Variants in CCDC102B observed in about 807,000 individuals in gnomAD.
CCDC102B encodes coiled-coil domain containing 102B, also known as coiled-coil domain-containing protein 102B.
Under a neutral mutation model 57.4 loss-of-function variants are expected in CCDC102B, and 75 were observed. That is an observed-to-expected ratio of 1.31 (90% CI 1.08 to 1.58). The LOEUF (loss-of-function observed/expected upper bound fraction) is 1.58. Ranked by LOEUF, CCDC102B falls within the 40% of genes most tolerant of loss-of-function variation. CCDC102B has a pLI of 0.00. For missense variants in CCDC102B, 636 were observed against 582.6 expected (o/e 1.09, Z -0.94); for synonymous variants, 206 against 201.9 (o/e 1.02, Z -0.17).
intron 7 of CCDC102B, among the ~76,000 whole-genome samples, chr18:69,052,776 C>A (rs1370941028): frequency 6.6e-6 from 1 of 151,720 alleles, no homozygotes; most frequent in African/African-American, 2.4e-5. Flanking sequence ...ACCAATCAAC[C>A]ACTAATCAAA....
At chr18:68,946,786 T>C (rs1337722057) in intron 6 of CCDC102B, among the ~76,000 whole-genome samples, 1 of 152,034 alleles carries the variant, frequency 6.6e-6, no homozygotes, top group East Asian at 1.9e-4. Flanking sequence ...TTCAAAATAA[T>C]TTAACAAGTA....
At chr18:68,807,994 C>T (rs1008243694) in intron 1 of CCDC102B, among the ~76,000 whole-genome samples, 5 of 152,000 alleles carry the variant, frequency 3.3e-5, no homozygotes, top group Non-Finnish European at 4.4e-5. Flanking sequence ...AACTAATCTT[C>T]GAATCAAAAG....
chr18:68,897,437 G>A lies in CCDC102B; in HGVS notation c.1263+9G>A. The A allele has an allele frequency of 6.2e-7, 1 of 1,609,052 alleles. No individual in the cohort carries two copies. Among genetic ancestry groups the A allele is most frequent in the South Asian group, 1.1e-5 (1 of 90,670 alleles). On this transcript the variant is annotated intron_variant, in intron 6 of 7. Coordinates refer to ENST00000360242, the MANE Select transcript of CCDC102B (RefSeq NM_024781.3). ...TGCAAGAAAAAAACCAGGTATGGGT[G>A]CTCCTTGGAGCAAATTCTCACTGTC...
In CCDC102B at chr18:69,041,350, C is replaced by T. The variant is rs569745099; in HGVS notation, c.1435-12680C>T. Among the ~76,000 whole-genome samples the T allele has an allele frequency of 6.6e-5, 10 of 152,106 alleles. 1 individual carries two copies. In the South Asian group the frequency reaches 2.1e-3, roughly 32 times the overall value. On this transcript the variant is annotated intron_variant, in intron 7 of 7. Transcript: ENST00000360242. ...TTACCAGTTCCCCTTATAGTTACCC[C>T]GATAGTGTATCTTGCACTTATGGTT...
At chr18:68,885,734 C>A (rs770801242) in intron 5 of CCDC102B, among the ~76,000 whole-genome samples, 1 of 151,926 alleles carries the variant, frequency 6.6e-6, no homozygotes. Context: ...AACCTCTTTG[C>A]AGTTCACAAA....
At chr18:68,871,240 G>A (rs2039227329) in intron 4 of CCDC102B, among the ~76,000 whole-genome samples, 3 of 152,120 alleles carry the variant, frequency 2.0e-5, no homozygotes, top group Admixed American at 2.0e-4. Context: ...AAAAGGACAG[G>A]AACTTGGAAA....
At chr18:68,733,837 G>A (rs1330288191) in intron 2 of CCDC102B, among the ~76,000 whole-genome samples, 1 of 151,922 alleles carries the variant, frequency 6.6e-6, no homozygotes, top group Non-Finnish European at 1.5e-5. Flanking sequence ...TTATCAACCT[G>A]TAAAGACCTT....
chr18:68,956,630 C>T (rs1182819738), intron 6 of CCDC102B, among the ~76,000 whole-genome samples: 3 of 115,232 alleles, frequency 2.6e-5, no homozygotes, highest in African/African-American at 3.4e-5. Context: ...ATATATATAT[C>T]GCACCATACA....
intron 3 of CCDC102B, among the ~76,000 whole-genome samples, chr18:68,844,406 CAT>C (rs1284949135): frequency 6.6e-6 from 1 of 150,934 alleles, no homozygotes; most frequent in Non-Finnish European, 1.5e-5. Context: ...ATTAATTTAA[CAT>C]ATGCCATTTG....
At chr18:68,966,485 C>A (rs1953133037) in intron 6 of CCDC102B, among the ~76,000 whole-genome samples, 1 of 151,992 alleles carries the variant, frequency 6.6e-6, no homozygotes, top group Admixed American at 6.6e-5. Context: ...CTATGGTTAC[C>A]CTGTGTGTGT....
chr18:68,882,505 A>G (rs913705661), intron 5 of CCDC102B, among the ~76,000 whole-genome samples: 13 of 152,208 alleles, frequency 8.5e-5, no homozygotes, highest in Non-Finnish European at 1.9e-4. Context: ...TAGAATCTAG[A>G]GTGATATATG....
chr18:68,745,092 A>G (rs564771923), intron 2 of CCDC102B, among the ~76,000 whole-genome samples: 26 of 152,222 alleles, frequency 1.7e-4, no homozygotes, highest in Admixed American at 1.4e-3. Flanking sequence ...GACTCTTATT[A>G]CCTTCCCAGT....
chr18:68,765,382 G>GAAAGAA (rs1568239083), intron 2 of CCDC102B, among the ~76,000 whole-genome samples: 8 of 125,258 alleles, frequency 6.4e-5, no homozygotes, highest in African/African-American at 2.6e-4. Flanking sequence ...AGAAAGAAAA[G>GAAAGAA]AAAGAAAGAA....
intron 6 of CCDC102B, among the ~76,000 whole-genome samples, chr18:68,913,275 A>G (rs1203893868): frequency 1.4e-5 from 2 of 144,448 alleles, no homozygotes; most frequent in Admixed American, 6.9e-5. Context: ...CTTTTTGATG[A>G]ACTTTTATTT....
intron 6 of CCDC102B, among the ~76,000 whole-genome samples, chr18:68,932,963 G>A (rs1019177096): frequency 2.0e-5 from 3 of 151,840 alleles, no homozygotes; most frequent in African/African-American, 7.2e-5. Context: ...GTTGAAGTGG[G>A]TATTCATTAG....
chr18:68,832,709 C>T (rs1023576295), intron 1 of CCDC102B, among the ~76,000 whole-genome samples: 7 of 152,004 alleles, frequency 4.6e-5, no homozygotes, highest in Non-Finnish European at 7.4e-5. Context: ...TCTCAGATCA[C>T]GGGTTTAGTT....
intron 1 of CCDC102B, among the ~76,000 whole-genome samples, chr18:68,833,383 G>GTT (rs11290357): frequency 0.017 from 2,382 of 142,450 alleles, 24 homozygotes; most frequent in African/African-American, 0.027. Context: ...TGCTTTTCCT[G>GTT]TTTTTTTTTT....
At chr18:69,022,853 G>A (rs921779413) in intron 7 of CCDC102B, among the ~76,000 whole-genome samples, 4 of 151,912 alleles carry the variant, frequency 2.6e-5, no homozygotes, top group African/African-American at 9.7e-5. Context: ...TTTTCACCCA[G>A]ATTCCTAAGG....
chr18:69,038,942 T>C (rs965417786), intron 7 of CCDC102B, among the ~76,000 whole-genome samples: 9 of 152,022 alleles, frequency 5.9e-5, no homozygotes, highest in Non-Finnish European at 1.0e-4. Flanking sequence ...AGGCTACACA[T>C]TTTTATTAAA....
Sources: gnomAD v4.1 joint callset for allele counts (sites outside exome capture counted in the v4.1 genomes callset) on GRCh38, gnomAD v4.1.1 for gene constraint, MANE v1.5 for transcripts, NCBI Gene and HGNC (gene_info 2026-07-23, HGNC 2026-07-21) for gene names.